CACNA1C: variants seen among roughly 807,000 people sequenced by gnomAD.
The protein encoded by CACNA1C is voltage-dependent L-type calcium channel subunit alpha-1C.
In CACNA1C, 30 loss-of-function variants were observed where a neutral mutation model predicts 229.0. The ratio of observed to expected loss-of-function variants is 0.13; its 90% CI spans 0.10 to 0.18. CACNA1C has a LOEUF of 0.18. Ranked by LOEUF, CACNA1C falls within the 10% of genes least tolerant of loss-of-function variation. CACNA1C has a pLI of 1.00. For missense variants in CACNA1C, 1,658 were observed against 2,845.0 expected, an observed-to-expected ratio of 0.58 and a Z score of 9.49; for synonymous variants, 1,114 against 1,132.5, an observed-to-expected ratio of 0.98 and a Z score of 0.33.
chr12:2,255,964 A>G (rs2077417327), intron 3 of CACNA1C, among the ~76,000 whole-genome samples: 1 of 152,210 alleles, frequency 6.6e-6, no homozygotes, highest in African/African-American at 2.4e-5. Context: ...CTAGTTTACA[A>G]TCACACGACC....
chr12:2,375,913 C>T (rs1356615708), intron 3 of CACNA1C, among the ~76,000 whole-genome samples: 1 of 152,192 alleles, frequency 6.6e-6, no homozygotes, highest in Non-Finnish European at 1.5e-5. Flanking sequence ...TGGGATGAAA[C>T]CAGTCAGGAC....
At chr12:2,193,171 A>C (rs2097293951) in intron 3 of CACNA1C, among the ~76,000 whole-genome samples, 1 of 152,218 alleles carries the variant, frequency 6.6e-6, no homozygotes, top group Admixed American at 6.5e-5. Context: ...TTGTCACGTC[A>C]AGGCCGGGTG....
At position 2,527,129 on chromosome 12, in the gene CACNA1C, G is replaced by T. The variant is rs925183097; in HGVS notation, c.1390+14145G>T. ...ATGTCTGGGCAGAGGAGCCCTTGCT[G>T]TTCCCTAAATCATGTTCTAAAACCT... On this transcript the variant is annotated intron_variant, in intron 9 of 46. Coordinates refer to ENST00000399655, the MANE Select transcript of CACNA1C (RefSeq NM_000719.7). Among the ~76,000 whole-genome samples the T allele has an allele frequency of 8.5e-5, 13 of 152,238 alleles. 1 individual carries two copies. Among genetic ancestry groups the T allele is most frequent in the Admixed American group, 7.9e-4 (12 of 15,282 alleles).
intron 10 of CACNA1C, chr12:2,550,408 GT>G (rs1237714782): frequency 6.2e-6 from 4 of 641,496 alleles, no homozygotes; most frequent in Non-Finnish European, 7.1e-6. Flanking sequence ...AGACAGCGAG[GT>G]TAGGGCCCTG....
chr12:2,618,570 C>G (rs2081811400), intron 29 of CACNA1C, among the ~76,000 whole-genome samples: 1 of 152,232 alleles, frequency 6.6e-6, no homozygotes, highest in Non-Finnish European at 1.5e-5. Context: ...AATGCCAGGG[C>G]CAGAATTCCT....
At chr12:2,095,474 C>T (rs74060151) in intron 1 of CACNA1C, among the ~76,000 whole-genome samples, 1,831 of 152,314 alleles carry the variant, frequency 0.012, 37 homozygotes, top group African/African-American at 0.04. Context: ...CTTTCGGGTT[C>T]TTAAAGATGG....
chr12:2,310,348 A>ATATAT (rs1555425781), intron 3 of CACNA1C, among the ~76,000 whole-genome samples: 8 of 135,210 alleles, frequency 5.9e-5, no homozygotes, highest in African/African-American at 2.4e-4. Context: ...CAGTTAAAAA[A>ATATAT]AAAAATATAT....
chr12:2,053,015 A>C lies in CACNA1C; in HGVS notation c.-548A>C, dbSNP rs1369543785. On this transcript the variant is annotated 5_prime_UTR_variant, in exon 1 of 47. Transcript: ENST00000399655. This position sits in a 1 kb window ranked among gnomAD's most constrained non-coding sequence, Gnocchi z 5.8. ...TCCCTCTCGCTGCCTCTGCAGAAAC[A>C]GCTCCTGCCAGAGCGGCGCTCGGCG... The C allele has an allele frequency of 2.6e-5, 26 of 983,582 alleles. No individual in the cohort carries two copies. The highest frequency in any genetic ancestry group is 6.2e-5 in the Admixed American group (1 of 16,160). 60.9% of individuals were successfully genotyped at this position (983,582 alleles called of 1,614,324 possible). A position where few individuals can be genotyped will look rare whatever the true frequency, so the allele number is the denominator to read the frequency against.
At chr12:2,182,775 T>C (rs2096880142) in intron 3 of CACNA1C, among the ~76,000 whole-genome samples, 2 of 152,226 alleles carry the variant, frequency 1.3e-5, no homozygotes, top group South Asian at 4.2e-4. Context: ...ACGATGACAC[T>C]GTGATGACGG....
At position 2,608,557 on chromosome 12, in the gene CACNA1C, A is replaced by G. The variant is rs771348820; in HGVS notation, c.3403A>G (p.Ile1135Val). The G allele has an allele frequency of 6.2e-7, 1 of 1,613,688 alleles. No homozygotes were observed. ...CTCCCACACGGAAGACAAGGGCCCCATCTACAACTACCGTGTGGAGATCTC... is the reference window on the plus strand; with the variant it reads ...CTCCCACACGGAAGACAAGGGCCCCGTCTACAACTACCGTGTGGAGATCTC... ...IDSHTEDKGP[I>V]YNYRVEISIF... The change falls in exon 27 of 47, where the codon ATC (isoleucine) becomes GTC (valine). Residue 1135 changes from isoleucine to valine, a missense_variant. Physicochemically the swap from Ile to Val is conservative, Grantham distance 29. Around this residue, in one of 20 missense-constraint regions of CACNA1C, gnomAD observed 77 missense variants for 130.9 expected, o/e 0.59. Transcript: ENST00000399655. This position sits in a 1 kb window ranked among gnomAD's most constrained non-coding sequence, Gnocchi z 4.2.
intron 30 of CACNA1C, among the ~76,000 whole-genome samples, chr12:2,643,023 A>C (rs1014198705): frequency 2.6e-5 from 4 of 152,208 alleles, no homozygotes; most frequent in African/African-American, 9.7e-5. Context: ...AGCCATCCAC[A>C]GCTTCACACA....
At chr12:1,996,292 A>G (rs143647355) in intron 1 of CACNA1C, among the ~76,000 whole-genome samples, 49 of 152,192 alleles carry the variant, frequency 3.2e-4, no homozygotes, top group Non-Finnish European at 6.3e-4. Context: ...ATAATCTCAA[A>G]ATCCAGAGTC....
chr12:2,582,592 C>T (rs1484591651), intron 14 of CACNA1C, among the ~76,000 whole-genome samples: 4 of 152,194 alleles, frequency 2.6e-5, no homozygotes, highest in African/African-American at 9.7e-5. Flanking sequence ...GGCCAAAAAG[C>T]CCTTTTAGTC....
intron 3 of CACNA1C, among the ~76,000 whole-genome samples, chr12:2,164,502 G>A (rs768165956): frequency 1.6e-4 from 24 of 151,974 alleles, no homozygotes; most frequent in Non-Finnish European, 3.5e-4. Context: ...AGACTAAGCC[G>A]AAGAGATGCT....
rs143988574 is a variant in CACNA1C at position 2,399,586 on chromosome 12, A to G, written c.478-49390A>G. Among the ~76,000 whole-genome samples, 385 of 152,242 alleles carry G rather than the reference A, an allele frequency of 2.5e-3. 1 individual carries two copies. Among genetic ancestry groups the G allele is most frequent in the African/African-American group, 9.0e-3 (373 of 41,546 alleles). ...TGTCCAGCTGCCTCTTCTCCTCTCA[A>G]TGTTCAGACACCTCTTCTCTTCTCT... On this transcript the variant is annotated intron_variant, in intron 3 of 46. Coordinates refer to ENST00000399655, the MANE Select transcript of CACNA1C (RefSeq NM_000719.7).
At chr12:2,652,975 C>T (rs2095171017) in intron 32 of CACNA1C, among the ~76,000 whole-genome samples, 1 of 152,240 alleles carries the variant, frequency 6.6e-6, no homozygotes, top group Non-Finnish European at 1.5e-5. Context: ...GCGTTCGGGC[C>T]AGGCAGCTGG....
chr12:2,325,690 G>A (rs1466877232), intron 3 of CACNA1C, among the ~76,000 whole-genome samples: 1 of 152,216 alleles, frequency 6.6e-6, no homozygotes, highest in Non-Finnish European at 1.5e-5. Flanking sequence ...TCCCTTTGAG[G>A]GCAAACAGGT....
At chr12:2,460,864 C>T (rs894325243) in intron 5 of CACNA1C, among the ~76,000 whole-genome samples, 1 of 152,202 alleles carries the variant, frequency 6.6e-6, no homozygotes, top group Admixed American at 6.5e-5. Context: ...ATCCAGCCTT[C>T]TGCCCTTTCT....
At chr12:2,405,242 A>G (rs946578608) in intron 3 of CACNA1C, among the ~76,000 whole-genome samples, 7 of 152,226 alleles carry the variant, frequency 4.6e-5, no homozygotes, top group Non-Finnish European at 1.0e-4. Context: ...GTCACACCAT[A>G]TGTACATAAC....
Sources: gnomAD v4.1 joint callset for allele counts (sites outside exome capture counted in the v4.1 genomes callset) on GRCh38, gnomAD v4.1.1 for gene constraint, gnomAD v4.1.1 regional missense constraint, Gnocchi (gnomAD v3.1) non-coding constraint, MANE v1.5 for transcripts, NCBI Gene and HGNC (gene_info 2026-07-23, HGNC 2026-07-21) for gene names.